DPP10: variants seen among roughly 807,000 people sequenced by gnomAD.
DPP10 encodes inactive dipeptidyl peptidase 10.
DPP10 carries 33 observed loss-of-function variants against 120.9 expected under a neutral mutation model. That is an observed-to-expected ratio of 0.27 (90% CI 0.21 to 0.37). The LOEUF (loss-of-function observed/expected upper bound fraction) is 0.37, where lower values mean the gene tolerates loss of function less well. Ranked by LOEUF, DPP10 falls within the 10% of genes least tolerant of loss-of-function variation. The probability of loss-of-function intolerance (pLI) is 1.00; values close to 1 mark genes in which losing one functional copy is unlikely to be tolerated. For synonymous variants in DPP10, 337 were observed against 326.1 expected, an observed-to-expected ratio of 1.03 and a Z score of -0.36; for missense variants, 816 against 942.8, an observed-to-expected ratio of 0.87 and a Z score of 1.76.
chr2:115,815,565 A>G, intron 20 of DPP10, 110 bp from the exon 21 acceptor site: 2 of 936,320 alleles, frequency 2.1e-6, no homozygotes, highest in Admixed American at 5.7e-5. Flanking sequence ...ACAGTTAGTA[A>G]AGCATTTCTA....
chr2:115,758,220 C>G (rs182839251), intron 11 of DPP10, among the ~76,000 whole-genome samples: 136 of 152,188 alleles, frequency 8.9e-4, no homozygotes, highest in Non-Finnish European at 1.6e-3. Flanking sequence ...AGAGGGCATT[C>G]AGGTTTCTCA....
intron 1 of DPP10, among the ~76,000 whole-genome samples, chr2:114,970,713 CTAAA>C (rs1699336530): frequency 6.6e-6 from 1 of 152,138 alleles, no homozygotes; most frequent in Non-Finnish European, 1.5e-5. Flanking sequence ...TTACTTTACA[CTAAA>C]TAAATTAGGA....
At chr2:115,101,197 G>A (rs924699798) in intron 1 of DPP10, among the ~76,000 whole-genome samples, 16 of 152,114 alleles carry the variant, frequency 1.1e-4, no homozygotes, top group African/African-American at 3.9e-4. Flanking sequence ...CTCTATTTCT[G>A]CTCTTGCTCA....
intron 1 of DPP10, among the ~76,000 whole-genome samples, chr2:114,656,684 A>C (rs1175253592): frequency 6.6e-6 from 1 of 152,134 alleles, no homozygotes; most frequent in Non-Finnish European, 1.5e-5. Context: ...CTGGTATAGT[A>C]TGTTTGTGCA....
chr2:115,170,557 C>T (rs1260459156), intron 1 of DPP10, among the ~76,000 whole-genome samples: 1 of 152,260 alleles, frequency 6.6e-6, no homozygotes, highest in East Asian at 1.9e-4. Flanking sequence ...ACCTCACTAG[C>T]TTTTAGGGAC....
At chr2:115,384,607 AGAAGT>A (rs1230970724) in intron 3 of DPP10, among the ~76,000 whole-genome samples, 2 of 141,790 alleles carry the variant, frequency 1.4e-5, no homozygotes, top group Non-Finnish European at 3.1e-5. Context: ...AGGAGGAAGA[AGAAGT>A]GAAGGAAGAA....
intron 1 of DPP10, among the ~76,000 whole-genome samples, chr2:114,791,330 G>T (rs145435773): frequency 2.0e-5 from 3 of 152,128 alleles, no homozygotes; most frequent in Non-Finnish European, 2.9e-5. Flanking sequence ...CTGAACTAGC[G>T]CTGTAGACTT....
chr2:115,418,257 T>G (rs2069609529), intron 3 of DPP10, among the ~76,000 whole-genome samples: 1 of 152,130 alleles, frequency 6.6e-6, no homozygotes, highest in Admixed American at 6.5e-5. Flanking sequence ...TACTAAGATG[T>G]GGAAGGCCTG....
At chr2:114,525,069 C>T (rs984345918) in intron 1 of DPP10, among the ~76,000 whole-genome samples, 1 of 152,132 alleles carries the variant, frequency 6.6e-6, no homozygotes, top group Non-Finnish European at 1.5e-5. Context: ...ATTAGCAATA[C>T]CTTCCCTCTA....
chr2:115,268,232 A>G (rs1368748343), intron 1 of DPP10, among the ~76,000 whole-genome samples: 1 of 152,222 alleles, frequency 6.6e-6, no homozygotes, highest in Non-Finnish European at 1.5e-5. Flanking sequence ...AGTTCTTAGA[A>G]TAACCCACCA....
chr2:115,153,661 C>A (rs1474309934), intron 1 of DPP10, among the ~76,000 whole-genome samples: 6 of 152,062 alleles, frequency 3.9e-5, no homozygotes, highest in African/African-American at 1.4e-4. Context: ...CCCAAAATAA[C>A]CCTTTCAAAA....
chr2:115,233,410 T>TAAGAATGCAGTCC (rs1412144331), intron 1 of DPP10, among the ~76,000 whole-genome samples: 1 of 152,180 alleles, frequency 6.6e-6, no homozygotes, highest in African/African-American at 2.4e-5. Flanking sequence ...GAATGCAGTC[T>TAAGAATGCAGTCC]AAGAATGCAG....
At chr2:115,505,452 T>G (rs748205862) in intron 4 of DPP10, among the ~76,000 whole-genome samples, 16 of 152,068 alleles carry the variant, frequency 1.1e-4, no homozygotes, top group Non-Finnish European at 2.2e-4. Context: ...ATTTAGTCTC[T>G]TTGGAGCTGG....
At chr2:114,897,853 T>C (rs1310376393) in intron 1 of DPP10, among the ~76,000 whole-genome samples, 1 of 151,832 alleles carries the variant, frequency 6.6e-6, no homozygotes, top group East Asian at 1.9e-4. Flanking sequence ...AAACAACAGG[T>C]GCTGGAGAGG....
chr2:115,017,725 A>G (rs1423233148), intron 1 of DPP10, among the ~76,000 whole-genome samples: 4 of 152,064 alleles, frequency 2.6e-5, no homozygotes, highest in African/African-American at 9.7e-5. Context: ...GAAGCTGGAA[A>G]CCATCATTCT....
intron 19 of DPP10, among the ~76,000 whole-genome samples, chr2:115,800,646 C>G (rs1050098499): frequency 6.6e-5 from 10 of 152,118 alleles, no homozygotes; most frequent in African/African-American, 1.4e-4. Flanking sequence ...TTTCAGCTTT[C>G]TACATATGGC....
chr2:115,220,148 G>T (rs1042713021), intron 1 of DPP10, among the ~76,000 whole-genome samples: 21 of 152,072 alleles, frequency 1.4e-4, no homozygotes, highest in Non-Finnish European at 5.9e-5. Context: ...TGTTTTCCTT[G>T]GTATTGGAGC....
intron 5 of DPP10, among the ~76,000 whole-genome samples, chr2:115,532,986 G>A (rs987208764): frequency 4.0e-5 from 6 of 151,578 alleles, no homozygotes; most frequent in South Asian, 4.2e-4. Flanking sequence ...GTCCTTTACC[G>A]CATTTTTTTA....
intron 1 of DPP10, among the ~76,000 whole-genome samples, chr2:114,477,675 C>T (rs544428253): frequency 2.3e-4 from 32 of 138,740 alleles, no homozygotes; most frequent in African/African-American, 7.5e-4. Context: ...ATCCCAGATA[C>T]TCGGGAGGCT....
Sources: allele counts gnomAD v4.1 joint callset (sites outside exome capture counted in the v4.1 genomes callset), GRCh38; gene constraint gnomAD v4.1.1; transcripts MANE v1.5; gene names NCBI Gene and HGNC (gene_info 2026-07-23, HGNC 2026-07-21).